Variants in POGZ observed in about 807,000 individuals in gnomAD.
POGZ encodes pogo transposable element derived with ZNF domain.
A neutral mutation model predicts 134.6 loss-of-function variants in POGZ; 17 were observed. That is an observed-to-expected ratio of 0.13 (90% CI 0.09 to 0.19). The LOEUF is 0.19. Among genes scored for constraint, POGZ ranks in the 10% least tolerant of loss-of-function variants. The pLI, the probability that POGZ is intolerant of heterozygous loss-of-function variation, is 1.00. For synonymous variants in POGZ, 693 were observed against 657.1 expected (o/e 1.05, Z -0.84); for missense variants, 1,306 against 1,769.7 (o/e 0.74, Z 4.70).
intron 1 of POGZ, among the ~76,000 whole-genome samples, chr1:151,458,781 G>T (rs1429485898): frequency 6.2e-5 from 9 of 145,382 alleles, no homozygotes; most frequent in African/African-American, 1.5e-4. Context: ...TGTGGACGTC[G>T]GGCTGTGTGC....
chr1:151,405,231 G>C lies in POGZ; in HGVS notation c.3804C>G (p.Ile1268Met). The C allele has an allele frequency of 6.2e-7, 1 of 1,614,122 alleles. No individual in the cohort carries two copies. The highest frequency in any genetic ancestry group is 8.5e-7 in the Non-Finnish European group (1 of 1,179,984). ...GCAGGAAGTTCTTGACAGTTCTTTT[G>C]ATGCATACATCTAATGGCTGAATTT... is the stretch of plus-strand genomic sequence containing the variant. ...SSKIQPLDVC[I>M]KRTVKNFLHK... Residue 1268 changes from isoleucine to methionine, a missense_variant, in exon 19 of 19, where the codon ATC (isoleucine) becomes ATG (methionine). Transcript: ENST00000271715. The surrounding 1 kb of genome is among the most constrained non-coding windows in gnomAD (Gnocchi z 4.9).
chr1:151,421,618 G>T (rs915001805), intron 10 of POGZ, among the ~76,000 whole-genome samples: 7 of 152,216 alleles, frequency 4.6e-5, no homozygotes, highest in African/African-American at 1.7e-4. Flanking sequence ...TCTGGACATA[G>T]TGCCTGACAC....
At position 151,405,816 on chromosome 1, in the gene POGZ, C is replaced by T. The variant is rs1653493871; in HGVS notation, c.3219G>A (p.Val1073=). Residue 1073 remains valine, a synonymous_variant, in exon 19 of 19, where the codon GTG becomes GTA. Coordinates refer to ENST00000271715, the MANE Select transcript of POGZ (RefSeq NM_015100.4). This position sits in a 1 kb window ranked among gnomAD's most constrained non-coding sequence, Gnocchi z 4.9. Reference sequence around the variant, plus strand: ...TCAGGTGGTGCCGCAGCATGAAACGCACAGCCCACTCATAGGAGATCTTAA... The same window carrying T: ...TCAGGTGGTGCCGCAGCATGAAACGTACAGCCCACTCATAGGAGATCTTAA... ...GGFKISYEWA[V]RFMLRHHLTP... is the part of the protein sequence containing the mutation. 3.1e-6 allele frequency: 5 copies of T among 1,614,072 alleles called. No homozygotes were observed. The highest frequency in any genetic ancestry group is 4.2e-6 in the Non-Finnish European group (5 of 1,180,048).
intron 1 of POGZ, among the ~76,000 whole-genome samples, chr1:151,448,409 C>T (rs1304162521): frequency 6.6e-6 from 1 of 151,622 alleles, no homozygotes; most frequent in Non-Finnish European, 1.5e-5. Context: ...TTCAGGAGTT[C>T]GAGACCAGCT....
rs748651479 is a variant in POGZ at position 151,403,359 on chromosome 1, C to A, written c.*1443G>T. 4.1e-6 allele frequency: 4 copies of A among 985,522 alleles called. No homozygotes were observed. The highest frequency in any genetic ancestry group is 4.8e-6 in the Non-Finnish European group (4 of 829,734). The allele number at this position is 985,522 out of a possible 1,614,324, so 61.0% of individuals were successfully genotyped here. On this transcript the variant is annotated 3_prime_UTR_variant, in exon 19 of 19. Coordinates refer to ENST00000271715, the MANE Select transcript of POGZ (RefSeq NM_015100.4). ...TAGAAAAAAAACAAGTTTATAAATCCATTTCCCCTCATTTTATTAAATGTT... is the reference window on the plus strand; with the variant it reads ...TAGAAAAAAAACAAGTTTATAAATCAATTTCCCCTCATTTTATTAAATGTT...
chr1:151,457,005 AGT>A (rs1280098741), intron 1 of POGZ, among the ~76,000 whole-genome samples: 1 of 152,236 alleles, frequency 6.6e-6, no homozygotes. Context: ...TTGAACCATC[AGT>A]GTATCAGTGA....
At chr1:151,419,024 C>CAAAAAAAAA (rs71090164) in intron 10 of POGZ, among the ~76,000 whole-genome samples, 167 of 51,652 alleles carry the variant, frequency 3.2e-3, no homozygotes, top group East Asian at 9.2e-3. Context: ...AGCTCTGTCT[C>CAAAAAAAAA]AAAAAAAAAA....
At chr1:151,422,793 T>C (rs552163394) in intron 10 of POGZ, among the ~76,000 whole-genome samples, 67 of 152,220 alleles carry the variant, frequency 4.4e-4, no homozygotes, top group Middle Eastern at 3.2e-3. Context: ...GGCTTCGCCA[T>C]GTTGGCCGGG....
chr1:151,429,540 GAAC>G (rs1658355753), intron 5 of POGZ, 60 bp downstream of exon 5: 1 of 801,336 alleles, frequency 1.2e-6, no homozygotes, highest in Non-Finnish European at 2.1e-6. Context: ...AGGATATTTA[GAAC>G]AATAAAAACA....
At chr1:151,407,323 G>A (rs1414141482) in intron 15 of POGZ, 32 bp from the exon 16 acceptor site, 8 of 1,519,332 alleles carry the variant, frequency 5.3e-6, no homozygotes, top group Non-Finnish European at 6.3e-6. Flanking sequence ...TATGAGTTAC[G>A]GAGTTCTGCT....
chr1:151,420,628 C>A (rs1213630900), intron 10 of POGZ, among the ~76,000 whole-genome samples: 1 of 152,002 alleles, frequency 6.6e-6, no homozygotes, highest in Non-Finnish European at 1.5e-5. Context: ...TTCTAATATA[C>A]ATTCTACTCC....
Position 151,403,838 on chromosome 1 carries a change from A to AAC in POGZ, c.*963_*964insGT. 1.0e-6 allele frequency: 1 copy of AAC among 985,480 alleles called. No individual in the cohort carries two copies. Among genetic ancestry groups the AAC allele is most frequent in the Non-Finnish European group, 1.2e-6 (1 of 829,932 alleles). 61.0% of individuals were successfully genotyped at this position (985,480 alleles called of 1,614,324 possible). On this transcript the variant is annotated 3_prime_UTR_variant, in exon 19 of 19. Transcript: ENST00000271715. ...GGCATGCTCTCCATCTAACAGGATG[A>AAC]AGTTCAGTAAAGCAGGGACTGCCCC...
chr1:151,404,475 A>AT lies in POGZ; in HGVS notation c.*326dup, dbSNP rs552957484. On this transcript the variant is annotated 3_prime_UTR_variant, in exon 19 of 19. Coordinates refer to ENST00000271715, the MANE Select transcript of POGZ (RefSeq NM_015100.4). ...AAAATTTAACATTTGCCCACAAATAATTTTTTTTCTTTTTCTTAATTTTGT... is the reference window on the plus strand; with the variant it reads ...AAAATTTAACATTTGCCCACAAATAATTTTTTTTTCTTTTTCTTAATTTTGT... 45 of 1,026,500 alleles carry AT rather than the reference A, an allele frequency of 4.4e-5. No individual in the cohort carries two copies. In the Admixed American group the frequency reaches 6.1e-4, roughly 14 times the overall value. 63.6% of individuals were successfully genotyped at this position (1,026,500 alleles called of 1,614,324 possible).
chr1:151,435,321 C>A (rs966363360), intron 3 of POGZ, among the ~76,000 whole-genome samples: 3 of 152,200 alleles, frequency 2.0e-5, no homozygotes, highest in African/African-American at 7.2e-5. Flanking sequence ...ATTAAATTCA[C>A]ATCATTCACA....
At chr1:151,452,725 G>A (rs1270925565) in intron 1 of POGZ, among the ~76,000 whole-genome samples, 3 of 151,804 alleles carry the variant, frequency 2.0e-5, no homozygotes, top group African/African-American at 4.8e-5. Context: ...TTAGCCATGC[G>A]TGGTGGCTGG....
chr1:151,432,396 C>G (rs1658844252), intron 3 of POGZ, among the ~76,000 whole-genome samples: 1 of 152,170 alleles, frequency 6.6e-6, no homozygotes, highest in Admixed American at 6.5e-5. Context: ...TATACTCTCT[C>G]AGAAACTGAG....
chr1:151,416,735 C>T (rs1382923572), intron 10 of POGZ, among the ~76,000 whole-genome samples: 1 of 151,564 alleles, frequency 6.6e-6, no homozygotes, highest in Non-Finnish European at 1.5e-5. Context: ...ACAATCCTCC[C>T]ACCTCAGCCT....
Position 151,430,753 on chromosome 1 carries a change from T to C in POGZ, c.372A>G (p.Pro124=), listed in dbSNP as rs1212586357. Residue 124 remains proline (P), a synonymous_variant, in exon 4 of 19, where the codon CCA becomes CCG. Transcript: ENST00000271715. The stretch of plus-strand genomic sequence containing the variant: ...GCATGACCTGAACAGGCCTCAATAC[T>C]GGTTGAGTAACCATTGTGCCCAGAC... ...APGLGTMVTQ[P]VLRPVQVMQN... The C allele has an allele frequency of 1.9e-6, 3 of 1,605,630 alleles. No homozygotes were observed. Among genetic ancestry groups the C allele is most frequent in the Non-Finnish European group, 2.5e-6 (3 of 1,176,568 alleles).
intron 1 of POGZ, among the ~76,000 whole-genome samples, chr1:151,450,308 C>T (rs138316304): frequency 6.6e-6 from 1 of 151,858 alleles, no homozygotes; most frequent in Non-Finnish European, 1.5e-5. Context: ...GCTGGGATTA[C>T]AAGTATGAGC....
Sources: allele counts gnomAD v4.1 joint callset (sites outside exome capture counted in the v4.1 genomes callset), GRCh38; gene constraint gnomAD v4.1.1; non-coding constraint Gnocchi (gnomAD v3.1); transcripts MANE v1.5; gene names NCBI Gene and HGNC (gene_info 2026-07-23, HGNC 2026-07-21).